Variants in GPC5 observed in about 807,000 individuals in gnomAD.
The protein encoded by GPC5 is glypican-5.
Under a neutral mutation model 53.9 loss-of-function variants are expected in GPC5, and 47 were observed. The observed-to-expected ratio is 0.87, with a 90% CI of 0.69 to 1.11. The LOEUF (loss-of-function observed/expected upper bound fraction) is 1.11. Among genes scored for constraint, GPC5 ranks in the 50% most tolerant of loss-of-function variants. The probability of loss-of-function intolerance (pLI) is 0.00; values close to 1 mark genes in which losing one functional copy is unlikely to be tolerated. For missense variants in GPC5, 748 were observed against 713.1 expected, an observed-to-expected ratio of 1.05 and a Z score of -0.56; for synonymous variants, 286 against 263.3, an observed-to-expected ratio of 1.09 and a Z score of -0.84.
intron 7 of GPC5, among the ~76,000 whole-genome samples, chr13:92,483,683 T>C (rs1383372025): frequency 6.6e-6 from 1 of 152,242 alleles, no homozygotes; most frequent in Non-Finnish European, 1.5e-5. Flanking sequence ...TTTATAATTT[T>C]GTTTTTTAAC....
chr13:92,121,118 T>C (rs188852327), intron 6 of GPC5, among the ~76,000 whole-genome samples: 1 of 152,334 alleles, frequency 6.6e-6, no homozygotes, highest in East Asian at 1.9e-4. Flanking sequence ...TTAAAAAATA[T>C]AGACATAATT....
At chr13:92,342,180 CT>C (rs1328762937) in intron 7 of GPC5, among the ~76,000 whole-genome samples, 2 of 152,142 alleles carry the variant, frequency 1.3e-5, no homozygotes, top group African/African-American at 4.8e-5. Flanking sequence ...TTTGCAGCTA[CT>C]TTGACCTATT....
chr13:92,277,911 A>ATATATACTTAAT (rs1313090294), intron 7 of GPC5, among the ~76,000 whole-genome samples: 1 of 151,938 alleles, frequency 6.6e-6, no homozygotes, highest in African/African-American at 2.4e-5. Context: ...AAATATAGTC[A>ATATATACTTAAT]TATATACTTA....
chr13:92,734,153 T>TATC (rs922967403), intron 7 of GPC5, among the ~76,000 whole-genome samples: 2 of 151,852 alleles, frequency 1.3e-5, no homozygotes, highest in African/African-American at 2.4e-5. Context: ...GGCAATTGCT[T>TATC]ATCTTCTCTG....
At chr13:92,785,727 T>C (rs375737169) in intron 7 of GPC5, among the ~76,000 whole-genome samples, 1 of 152,200 alleles carries the variant, frequency 6.6e-6, no homozygotes, top group Non-Finnish European at 1.5e-5. Context: ...GCTAAGAGAC[T>C]AGACTCAAGA....
At chr13:92,684,046 A>G (rs112838193) in intron 7 of GPC5, among the ~76,000 whole-genome samples, 5 of 152,158 alleles carry the variant, frequency 3.3e-5, no homozygotes, top group African/African-American at 9.6e-5. Flanking sequence ...TGCCCTAAAA[A>G]TCCCCTGTGC....
chr13:92,447,220 C>T (rs1458015608), intron 7 of GPC5: 2 of 152,184 alleles, frequency 1.3e-5, no homozygotes, highest in African/African-American at 2.4e-5. Flanking sequence ...GTCCAGTGTC[C>T]TGAAGAGTTT....
Position 92,366,252 on chromosome 13 carries a change from A to C in GPC5, c.1561+221263A>C, listed in dbSNP as rs1477448245. Among the ~76,000 whole-genome samples, 3 of 151,948 alleles carry C rather than the reference A, an allele frequency of 2.0e-5. No individual in the cohort carries two copies. In the East Asian group the frequency reaches 5.8e-4, roughly 29 times the overall value. On this transcript the variant is annotated intron_variant, in intron 7 of 7. Coordinates refer to ENST00000377067, the MANE Select transcript of GPC5 (RefSeq NM_004466.6). ...AGATATTACAAAAGACAACAAGTAA[A>C]GCTTTGAGATTATTCATTAAAAATA...
rs569312234 is a variant in GPC5 at position 91,913,284 on chromosome 13, A to G, written c.1401+5227A>G. 2.6e-5 allele frequency among the ~76,000 whole-genome samples: 4 copies of G among 152,058 alleles called. No homozygotes were observed. The South Asian group carries it at 8.3e-4, about 32-fold the overall frequency. On this transcript the variant is annotated intron_variant, in intron 6 of 7. Transcript: ENST00000377067. ...CATTGTGGCGTGCACCTGTATTCCC[A>G]GCTACTAGGGAGGCTGAGGCAGAAG...
intron 7 of GPC5, among the ~76,000 whole-genome samples, chr13:92,674,570 GAAGCAGGAGCTTCATGAAGCT>G (rs1886868286): frequency 6.7e-6 from 1 of 150,348 alleles, no homozygotes; most frequent in East Asian, 2.0e-4. Flanking sequence ...AGCTCTTCTT[GAAGCAGGAGCTTCATGAAGCT>G]CTTCTTGAAG....
At chr13:92,031,150 A>G (rs561679688) in intron 6 of GPC5, among the ~76,000 whole-genome samples, 27 of 152,130 alleles carry the variant, frequency 1.8e-4, no homozygotes, top group Non-Finnish European at 2.6e-4. Flanking sequence ...ATCCCCATTC[A>G]GGTTCATGTG....
chr13:91,693,688 AT>A lies in GPC5; in HGVS notation c.828del (p.Asn276LysfsTer42). The part of the protein sequence containing the change: ...LTKPCMGYCL[N>X]VMRGCLAHMA... ...AAGCCTTGTATGGGATACTGCCTCA[AT>A]GTCATGCGAGGCTGCCTGGCGCACA... On this transcript the variant is annotated frameshift_variant, in exon 3 of 8. Transcript: ENST00000377067. LOFTEE classifies it high-confidence loss of function. 6.2e-7 allele frequency: 1 copy of A among 1,614,160 alleles called. No individual in the cohort carries two copies. Among genetic ancestry groups the A allele is most frequent in the African/African-American group, 1.3e-5 (1 of 75,052 alleles).
chr13:91,660,734 TGTA>T (rs2034968619), intron 2 of GPC5, among the ~76,000 whole-genome samples: 1 of 152,194 alleles, frequency 6.6e-6, no homozygotes, highest in South Asian at 2.1e-4. Flanking sequence ...CATAGACAAT[TGTA>T]GTATTTCTCA....
chr13:91,779,561 A>G (rs373943725), intron 5 of GPC5, among the ~76,000 whole-genome samples: 16 of 152,134 alleles, frequency 1.1e-4, no homozygotes, highest in African/African-American at 3.6e-4. Flanking sequence ...GAGTTTCGCC[A>G]TGTTACCCAG....
intron 7 of GPC5, among the ~76,000 whole-genome samples, chr13:92,462,053 A>G (rs185676051): frequency 3.3e-5 from 5 of 152,302 alleles, no homozygotes; most frequent in African/African-American, 1.2e-4. Context: ...AGGAAACTCT[A>G]CCAGTTAGAG....
chr13:92,544,553 T>C (rs1882037533), intron 7 of GPC5, among the ~76,000 whole-genome samples: 1 of 152,188 alleles, frequency 6.6e-6, no homozygotes, highest in African/African-American at 2.4e-5. Context: ...GCTCTTACTG[T>C]CTTATAACCC....
At position 92,153,870 on chromosome 13, in the gene GPC5, TAAAC is replaced by T. The variant is rs557489309; in HGVS notation, c.1561+8884_1561+8887del. Among the ~76,000 whole-genome samples the T allele has an allele frequency of 4.2e-3, 633 of 152,376 alleles. 5 individuals carry two copies. The highest frequency in any genetic ancestry group is 7.3e-3 in the Non-Finnish European group (499 of 68,038). On this transcript the variant is annotated intron_variant, in intron 7 of 7. Transcript: ENST00000377067. Reference sequence around the variant, plus strand: ...TCATAATTAATTGGATTTCACTTTTTAAACAAGTATATGACAAATTTTTGCTTCC... The same window carrying T: ...TCATAATTAATTGGATTTCACTTTTTAAGTATATGACAAATTTTTGCTTCC...
Position 91,739,542 on chromosome 13 carries a change from C to T in GPC5, c.1154+10877C>T, listed in dbSNP as rs561457959. ...ACTGCTGTCAAGAAGGCAGCTAGGG[C>T]TGTGGTCATCTGAAAGCTCAAGTGG... On this transcript the variant is annotated intron_variant, in intron 4 of 7. Coordinates refer to ENST00000377067, the MANE Select transcript of GPC5 (RefSeq NM_004466.6). 2.6e-5 allele frequency among the ~76,000 whole-genome samples: 4 copies of T among 151,434 alleles called. No individual in the cohort carries two copies. The South Asian group carries it at 8.3e-4, about 31-fold the overall frequency.
intron 6 of GPC5, among the ~76,000 whole-genome samples, chr13:92,046,108 A>G (rs573483154): frequency 1.7e-4 from 22 of 132,174 alleles, no homozygotes; most frequent in Admixed American, 4.8e-4. Flanking sequence ...ACAGAGTGAG[A>G]CTATATCAAA....
Sources: allele counts gnomAD v4.1 joint callset (sites outside exome capture counted in the v4.1 genomes callset), GRCh38; gene constraint gnomAD v4.1.1; transcripts MANE v1.5; gene names NCBI Gene and HGNC (gene_info 2026-07-23, HGNC 2026-07-21).